Variants in FBXL18 observed in about 807,000 individuals in gnomAD.
FBXL18 encodes F-box and leucine rich repeat protein 18, also known as F-box/LRR-repeat protein 18.
Under a neutral mutation model 46.0 loss-of-function variants are expected in FBXL18, and 36 were observed. The ratio of observed to expected loss-of-function variants is 0.78; its 90% CI spans 0.60 to 1.03. The LOEUF (loss-of-function observed/expected upper bound fraction) is 1.03. FBXL18 is among the 50% of genes least tolerant of loss of function. The pLI, the probability that FBXL18 is intolerant of heterozygous loss-of-function variation, is 0.00. For synonymous variants in FBXL18, 557 were observed against 465.3 expected (o/e 1.20, Z -2.54); for missense variants, 977 against 1,004.1 (o/e 0.97, Z 0.36).
chr7:5,503,086 C>T (rs1317880767), intron 2 of FBXL18, among the ~76,000 whole-genome samples: 1 of 152,204 alleles, frequency 6.6e-6, no homozygotes, highest in Non-Finnish European at 1.5e-5. Flanking sequence ...GATCCAGCCA[C>T]AAAGGGGAAG....
intron 2 of FBXL18, among the ~76,000 whole-genome samples, chr7:5,504,841 G>A (rs1427653015): frequency 7.3e-5 from 10 of 137,506 alleles, no homozygotes; most frequent in African/African-American, 1.1e-4. Flanking sequence ...GTGTGAACCC[G>A]GGAGGCAGAG....
At chr7:5,502,133 AC>A in intron 2 of FBXL18, 102 bp from the exon 3 acceptor site, 1 of 856,980 alleles carries the variant, frequency 1.2e-6, no homozygotes, top group South Asian at 1.7e-5. Context: ...CAGCTGCTCC[AC>A]CGGGAGGGAA....
At chr7:5,492,384 C>T (rs1355105946) in intron 3 of FBXL18, among the ~76,000 whole-genome samples, 3 of 151,250 alleles carry the variant, frequency 2.0e-5, no homozygotes, top group Non-Finnish European at 2.9e-5. Flanking sequence ...TGGGGTGCAG[C>T]GAGCCCCTGA....
At chr7:5,490,104 G>A (rs1404231378) in intron 4 of FBXL18, 3 of 1,361,692 alleles carry the variant, frequency 2.2e-6, no homozygotes, top group Non-Finnish European at 2.9e-6. Context: ...CTACCCCAGA[G>A]TCTGGCAAGC....
chr7:5,466,716 C>T (rs1161059511), intron 4 of FBXL18, among the ~76,000 whole-genome samples: 4 of 152,178 alleles, frequency 2.6e-5, no homozygotes, highest in East Asian at 1.9e-4. Context: ...CCTCCACAGC[C>T]GGTCACAGCA....
At chr7:5,493,950 A>G (rs1369171109) in intron 3 of FBXL18, among the ~76,000 whole-genome samples, 2 of 151,688 alleles carry the variant, frequency 1.3e-5, no homozygotes, top group African/African-American at 2.4e-5. Context: ...CCAACATGGC[A>G]AAACCCTGTC....
At chr7:5,505,332 G>A (rs1784366767) in intron 2 of FBXL18, 80 bp downstream of exon 2, 5 of 1,309,850 alleles carry the variant, frequency 3.8e-6, no homozygotes, top group Non-Finnish European at 5.4e-6. Flanking sequence ...AGCACACAGG[G>A]TTCCACTGCA....
intron 3 of FBXL18, among the ~76,000 whole-genome samples, chr7:5,499,745 GAAAAA>G: frequency 8.6e-6 from 1 of 115,782 alleles, no homozygotes; most frequent in South Asian, 2.9e-4. Flanking sequence ...AAAAAAAAAA[GAAAAA>G]AAAAAAAAAA....
intron 4 of FBXL18, among the ~76,000 whole-genome samples, chr7:5,487,671 A>G (rs914412126): frequency 6.6e-6 from 1 of 152,240 alleles, no homozygotes; most frequent in African/African-American, 2.4e-5. Context: ...AGGCTTGAAC[A>G]AGAGGCAAGA....
At chr7:5,465,715 C>T (rs1158245516) in intron 4 of FBXL18, among the ~76,000 whole-genome samples, 1 of 152,034 alleles carries the variant, frequency 6.6e-6, no homozygotes, top group African/African-American at 2.4e-5. Context: ...GAAAAACTAC[C>T]TATTGGGTAC....
chr7:5,497,635 G>A (rs558722403), intron 3 of FBXL18, among the ~76,000 whole-genome samples: 13 of 152,176 alleles, frequency 8.5e-5, no homozygotes, highest in Non-Finnish European at 1.5e-5. Context: ...GCCACTTCCT[G>A]CCATGCCTTC....
At chr7:5,492,115 A>G (rs184097935) in intron 3 of FBXL18, among the ~76,000 whole-genome samples, 425 of 150,892 alleles carry the variant, frequency 2.8e-3, no homozygotes, top group Middle Eastern at 6.8e-3. Context: ...GGGAGGCCCA[A>G]GTCCGCACCA....
rs753618985 is a variant in FBXL18, at chr7:5,500,635, A to G, written c.1634T>C (p.Leu545Pro). 9.9e-6 allele frequency: 16 copies of G among 1,612,828 alleles called. No homozygotes were observed. Among genetic ancestry groups the G allele is most frequent in the Non-Finnish European group, 1.4e-5 (16 of 1,179,780 alleles). ...HLTLAQLPSV[L>P]TGSGLVNIGL... ...GATATTGACCAGCCCGGAGCCCGTA[A>G]GGACGCTGGGCAGCTGTGCGAGCGT... The change falls in exon 3 of 5, where the codon CTT becomes CCT. Residue 545 changes from leucine (L) to proline (P), a missense_variant. By Grantham distance (98) the Leu-to-Pro change is moderately conservative. Coordinates refer to ENST00000382368, the MANE Select transcript of FBXL18 (RefSeq NM_024963.6).
chr7:5,481,630 A>T lies in FBXL18; in HGVS notation c.*145T>A, dbSNP rs1324411010. ...CAGTCCCCATGAGAGAGCCGTGGAG[A>T]CGCCGGGAGCCCCAGGAGCCAGGTG... On this transcript the variant is annotated 3_prime_UTR_variant, in exon 5 of 5. Coordinates refer to ENST00000382368, the MANE Select transcript of FBXL18 (RefSeq NM_024963.6). 3.7e-6 allele frequency: 3 copies of T among 800,996 alleles called. No individual in the cohort carries two copies. Among genetic ancestry groups the T allele is most frequent in the African/African-American group, 3.4e-5 (2 of 58,118 alleles). 49.6% of individuals were successfully genotyped at this position (800,996 alleles called of 1,614,324 possible). A position where few individuals can be genotyped will look rare whatever the true frequency, so the allele number is the denominator to read the frequency against.
At chr7:5,462,979 T>A (rs1381859482) in intron 4 of FBXL18, among the ~76,000 whole-genome samples, 881 of 37,200 alleles carry the variant, frequency 0.024, 6 homozygotes, top group Middle Eastern at 0.06. Flanking sequence ...AATATATATA[T>A]ATATATATAT....
chr7:5,489,733 C>G, intron 4 of FBXL18: 1 of 234,390 alleles, frequency 4.3e-6, no homozygotes, highest in South Asian at 4.9e-5. Context: ...GAGCCGAGAT[C>G]ACGCCACTGC....
chr7:5,485,824 G>A (rs896086316), intron 4 of FBXL18, among the ~76,000 whole-genome samples: 3 of 152,098 alleles, frequency 2.0e-5, no homozygotes, highest in Non-Finnish European at 4.4e-5. Context: ...GGCTGAGGTG[G>A]GCGGATTACC....
intron 3 of FBXL18, among the ~76,000 whole-genome samples, chr7:5,493,766 C>T (rs1346235234): frequency 1.3e-5 from 2 of 152,004 alleles, no homozygotes; most frequent in South Asian, 2.1e-4. Flanking sequence ...CCTCCTGCCT[C>T]AGCCTCCCAA....
intron 1 of FBXL18, 65 bp from the exon 2 acceptor site, chr7:5,505,695 CTA>C: frequency 7.1e-7 from 1 of 1,411,340 alleles, no homozygotes; most frequent in Non-Finnish European, 1.0e-6. Context: ...TAGCCTGCAG[CTA>C]GGCAGAGAAG....
Sources: allele counts gnomAD v4.1 joint callset (sites outside exome capture counted in the v4.1 genomes callset), GRCh38; gene constraint gnomAD v4.1.1; transcripts MANE v1.5; gene names NCBI Gene and HGNC (gene_info 2026-07-23, HGNC 2026-07-21).